SYNPR: variants seen among roughly 807,000 people sequenced by gnomAD.
SYNPR encodes the protein synaptoporin.
A neutral mutation model predicts 32.9 loss-of-function variants in SYNPR; 23 were observed. The observed-to-expected ratio is 0.70, with a 90% CI of 0.50 to 0.99. The LOEUF is 0.99. Among genes scored for constraint, SYNPR ranks in the 50% least tolerant of loss-of-function variants. The probability of loss-of-function intolerance (pLI) is 0.00; values close to 1 mark genes in which losing one functional copy is unlikely to be tolerated. For synonymous variants in SYNPR, 146 were observed against 135.9 expected (o/e 1.07, Z -0.52); for missense variants, 318 against 349.3 (o/e 0.91, Z 0.71).
At chr3:63,231,716 C>T (rs368575702) in intron 1 of SYNPR, among the ~76,000 whole-genome samples, 3 of 152,056 alleles carry the variant, frequency 2.0e-5, no homozygotes, top group African/African-American at 7.3e-5. Flanking sequence ...TAGCAGCACT[C>T]GAAGGAGAGA....
At chr3:63,537,023 T>C (rs9811961) in intron 3 of SYNPR, among the ~76,000 whole-genome samples, 2,324 of 152,192 alleles carry the variant, frequency 0.015, 45 homozygotes, top group African/African-American at 0.048. Context: ...AGATAGTATG[T>C]AGGTTACTCT....
chr3:63,412,511 T>A (rs1242663251), intron 2 of SYNPR, among the ~76,000 whole-genome samples: 1 of 152,142 alleles, frequency 6.6e-6, no homozygotes, highest in Non-Finnish European at 1.5e-5. Context: ...ATAGTATAGC[T>A]GAGACATATA....
At chr3:63,430,597 G>A (rs1405502344) in intron 2 of SYNPR, among the ~76,000 whole-genome samples, 1 of 152,178 alleles carries the variant, frequency 6.6e-6, no homozygotes, top group Non-Finnish European at 1.5e-5. Context: ...ATGTTTTGCT[G>A]AGGATTTATT....
At chr3:63,499,686 C>T (rs948150324) in intron 3 of SYNPR, among the ~76,000 whole-genome samples, 1 of 152,090 alleles carries the variant, frequency 6.6e-6, no homozygotes, top group Non-Finnish European at 1.5e-5. Flanking sequence ...GTGAGTTAAT[C>T]CTAGAGCTGC....
intron 2 of SYNPR, among the ~76,000 whole-genome samples, chr3:63,422,593 TAA>T (rs2107133144): frequency 6.6e-6 from 1 of 152,232 alleles, no homozygotes; most frequent in South Asian, 2.1e-4. Flanking sequence ...TATGCCTCAA[TAA>T]AGTCATAAAT....
chr3:63,276,457 C>T (rs576930715), upstream of SYNPR, among the ~76,000 whole-genome samples: 5 of 152,150 alleles, frequency 3.3e-5, no homozygotes, highest in African/African-American at 1.2e-4. Flanking sequence ...TCTGCAAAAT[C>T]TCATTGGGTT....
intron 2 of SYNPR, among the ~76,000 whole-genome samples, chr3:63,418,581 G>A (rs1373091718): frequency 6.6e-6 from 1 of 152,164 alleles, no homozygotes; most frequent in Non-Finnish European, 1.5e-5. Context: ...AGAAAAAGAG[G>A]TTTAATGGAC....
At chr3:63,586,117 A>G (rs539349395) in intron 4 of SYNPR, among the ~76,000 whole-genome samples, 31 of 152,178 alleles carry the variant, frequency 2.0e-4, no homozygotes, top group Non-Finnish European at 4.6e-4. Flanking sequence ...CCTCCTTGGT[A>G]TTTGAGAAGT....
the SYNPR span, among the ~76,000 whole-genome samples, chr3:63,209,351 C>T: frequency 6.9e-6 from 1 of 143,908 alleles, no homozygotes. Context: ...AAACAGTAAA[C>T]AGTGAGTGAA....
intron 2 of SYNPR, among the ~76,000 whole-genome samples, chr3:63,426,037 G>A (rs1699887643): frequency 6.6e-6 from 1 of 151,776 alleles, no homozygotes; most frequent in Non-Finnish European, 1.5e-5. Context: ...CACCCGCCTC[G>A]ACCTCCCAAA....
chr3:63,297,965 G>C (rs1312179235), intron 2 of SYNPR, among the ~76,000 whole-genome samples: 1 of 152,168 alleles, frequency 6.6e-6, no homozygotes, highest in Non-Finnish European at 1.5e-5. Context: ...TGGCAGGAAA[G>C]TTACAGACCT....
At chr3:63,569,678 G>T (rs1702852754) in intron 4 of SYNPR, among the ~76,000 whole-genome samples, 1 of 152,238 alleles carries the variant, frequency 6.6e-6, no homozygotes, top group Non-Finnish European at 1.5e-5. Flanking sequence ...CGTAGGCCCA[G>T]TGCTGGGCTC....
intron 2 of SYNPR, among the ~76,000 whole-genome samples, chr3:63,385,901 G>A (rs2088037208): frequency 6.6e-6 from 1 of 152,172 alleles, no homozygotes; most frequent in African/African-American, 2.4e-5. Context: ...ACCTCAGAGA[G>A]CTAAAAGTTT....
At chr3:63,607,877 ACAC>A (rs1700146181) in intron 4 of SYNPR, among the ~76,000 whole-genome samples, 1 of 152,168 alleles carries the variant, frequency 6.6e-6, no homozygotes, top group Non-Finnish European at 1.5e-5. Context: ...TAATTCAGCC[ACAC>A]CATGAGAGCA....
intron 2 of SYNPR, among the ~76,000 whole-genome samples, chr3:63,465,344 A>G (rs1575658536): frequency 6.6e-6 from 1 of 152,108 alleles, no homozygotes; most frequent in East Asian, 1.9e-4. Context: ...CTACAATAGT[A>G]TAATAATAGA....
At chr3:63,614,785 C>T (rs1202110142) in intron 5 of SYNPR, among the ~76,000 whole-genome samples, 2 of 152,192 alleles carry the variant, frequency 1.3e-5, no homozygotes, top group East Asian at 1.9e-4. Context: ...ATTCTCAACC[C>T]TGTGCCATCT....
chr3:63,394,925 A>G (rs1404934773), intron 2 of SYNPR, among the ~76,000 whole-genome samples: 1 of 152,218 alleles, frequency 6.6e-6, no homozygotes, highest in Non-Finnish European at 1.5e-5. Flanking sequence ...GGCATAATTT[A>G]TCTAATGAAA....
At chr3:63,518,298 G>A (rs1243154474) in intron 3 of SYNPR, among the ~76,000 whole-genome samples, 1 of 152,032 alleles carries the variant, frequency 6.6e-6, no homozygotes, top group African/African-American at 2.4e-5. Flanking sequence ...ACTCTCTAAA[G>A]ACTATGTTAC....
chr3:63,297,561 T>C (rs1448444763), intron 2 of SYNPR, among the ~76,000 whole-genome samples: 2 of 152,198 alleles, frequency 1.3e-5, no homozygotes, highest in Non-Finnish European at 2.9e-5. Flanking sequence ...GATTGTGCAA[T>C]GTTATGTGAT....
Sources: gnomAD v4.1 joint callset for allele counts (sites outside exome capture counted in the v4.1 genomes callset) on GRCh38, gnomAD v4.1.1 for gene constraint, MANE v1.5 for transcripts, NCBI Gene and HGNC (gene_info 2026-07-23, HGNC 2026-07-21) for gene names.